Variants in LYST observed in about 807,000 individuals in gnomAD.
LYST encodes the protein lysosomal trafficking regulator, also known as lysosomal-trafficking regulator.
LYST carries 192 observed loss-of-function variants against 413.6 expected under a neutral mutation model. The ratio of observed to expected loss-of-function variants is 0.46; its 90% confidence interval spans 0.41 to 0.52. The LOEUF (loss-of-function observed/expected upper bound fraction) is 0.52, where lower values mean the gene tolerates loss of function less well. Ranked by LOEUF, LYST falls within the 20% of genes least tolerant of loss-of-function variation. The pLI, the probability that LYST is intolerant of heterozygous loss-of-function variation, is 0.00. For synonymous variants in LYST, 1,525 were observed against 1,567.3 expected, an observed-to-expected ratio of 0.97 and a Z score of 0.64; for missense variants, 3,815 against 4,499.9, an observed-to-expected ratio of 0.85 and a Z score of 4.35.
intron 31 of LYST, chr1:235,738,001 A>G (rs1664969521): frequency 8.1e-6 from 12 of 1,482,924 alleles, no homozygotes; most frequent in Non-Finnish European, 9.0e-6. Flanking sequence ...TATACTCTCA[A>G]GTATACGCTC....
intron 1 of LYST, among the ~76,000 whole-genome samples, chr1:235,859,251 T>C (rs543053889): frequency 4.8e-4 from 73 of 152,284 alleles, no homozygotes; most frequent in Non-Finnish European, 7.6e-4. Flanking sequence ...CTCGTTACAT[T>C]TGATCAATTA....
At chr1:235,754,392 C>A (rs926225586) in intron 25 of LYST, among the ~76,000 whole-genome samples, 3 of 151,740 alleles carry the variant, frequency 2.0e-5, no homozygotes, top group Non-Finnish European at 4.4e-5. Flanking sequence ...GCCACCACGC[C>A]CAGCAAATTT....
intron 12 of LYST, chr1:235,791,474 G>T: frequency 2.0e-6 from 1 of 502,580 alleles, no homozygotes; most frequent in South Asian, 2.1e-5. Context: ...TGTATATGTG[G>T]TGTCCCCTTC....
At chr1:235,882,481 T>C (rs1681422756) in intron 1 of LYST, among the ~76,000 whole-genome samples, 1 of 152,136 alleles carries the variant, frequency 6.6e-6, no homozygotes, top group East Asian at 1.9e-4. Context: ...AAAGAGAATG[T>C]GGGCAGTTGC....
Position 235,837,888 on chromosome 1 carries a change from T to G in LYST, c.-97-4221A>C, listed in dbSNP as rs967584374. ...GGTTAAAAAAAAACCTGATTAATATTATAGCTTGTTTCTAAGCTGAAACAT... is the reference window on the plus strand; with the variant it reads ...GGTTAAAAAAAAACCTGATTAATATGATAGCTTGTTTCTAAGCTGAAACAT... On this transcript the variant is annotated intron_variant, in intron 1 of 52. Transcript: ENST00000389793. Among the ~76,000 whole-genome samples, 29 of 152,006 alleles carry G rather than the reference T, an allele frequency of 1.9e-4. 1 individual carries two copies. Among genetic ancestry groups the G allele is most frequent in the Admixed American group, 1.4e-3 (21 of 15,258 alleles).
In LYST at chr1:235,806,673, T is replaced by C. The variant is rs571728370; in HGVS notation, c.2463A>G (p.Glu821=). Reference sequence around the variant, plus strand: ...GCTCCCCTAGGCTGATTATCAGAGTTTCAAATGCTTTTAGAGAATGACTTC... The same window carrying C: ...GCTCCCCTAGGCTGATTATCAGAGTCTCAAATGCTTTTAGAGAATGACTTC... ...GIRSHSLKAF[E]TLIISLGEQQ... is the part of the protein sequence containing the mutation. The change falls in exon 6 of 53, where the codon GAA becomes GAG. Residue 821 remains glutamate, a synonymous_variant. Coordinates refer to ENST00000389793, the MANE Select transcript of LYST (RefSeq NM_000081.4). 1.2e-6 allele frequency: 2 copies of C among 1,613,766 alleles called. No individual in the cohort carries two copies. Among genetic ancestry groups the C allele is most frequent in the South Asian group, 2.2e-5 (2 of 91,082 alleles).
At chr1:235,804,024 A>G (rs972434937) in intron 7 of LYST, among the ~76,000 whole-genome samples, 1 of 152,302 alleles carries the variant, frequency 6.6e-6, no homozygotes, top group African/African-American at 2.4e-5. Flanking sequence ...ATGTTAAACA[A>G]CTAAAACACT....
chr1:235,777,086 T>C lies in LYST; in HGVS notation c.5437A>G (p.Ile1813Val). Reference protein sequence around the residue: ...GILHEIGGTGIFVFLFARVVE... With the variant: ...GILHEIGGTGVFVFLFARVVE... The stretch of plus-strand genomic sequence containing the variant: ...ACCCTGGCAAAGAGAAAAACAAATA[T>C]GCCAGTTCCACCAATTTCGTGCAGA... Residue 1813 changes from isoleucine to valine, a missense_variant, in exon 17 of 53, where the codon ATA becomes GTA. Transcript: ENST00000389793. 3.7e-6 allele frequency: 6 copies of C among 1,613,568 alleles called. No homozygotes were observed. Among genetic ancestry groups the C allele is most frequent in the South Asian group, 1.1e-5 (1 of 91,080 alleles).
intron 50 of LYST, among the ~76,000 whole-genome samples, chr1:235,669,815 T>C (rs866115946): frequency 1.1e-4 from 16 of 152,360 alleles, no homozygotes; most frequent in Middle Eastern, 6.8e-3. Context: ...ATGCTTTCTT[T>C]GCTTTGCTGG....
At chr1:235,715,405 C>A (rs768454456) in intron 41 of LYST, 48 bp from the exon 42 acceptor site, 9 of 1,582,820 alleles carry the variant, frequency 5.7e-6, no homozygotes, top group African/African-American at 1.3e-5. Context: ...GGGCTCCAGG[C>A]AACGCTAGAA....
intron 50 of LYST, among the ~76,000 whole-genome samples, chr1:235,673,643 C>T (rs576268070): frequency 5.9e-5 from 9 of 152,238 alleles, no homozygotes; most frequent in African/African-American, 2.2e-4. Flanking sequence ...TCTAACCCCA[C>T]CTTAGGTGCT....
intron 12 of LYST, among the ~76,000 whole-genome samples, chr1:235,790,392 A>G (rs1008176812): frequency 1.3e-5 from 2 of 152,238 alleles, no homozygotes; most frequent in Admixed American, 1.3e-4. Flanking sequence ...CTAACTTGTT[A>G]AGATTAAAAA....
At chr1:235,671,562 T>C (rs1319277354) in intron 50 of LYST, among the ~76,000 whole-genome samples, 2 of 152,256 alleles carry the variant, frequency 1.3e-5, no homozygotes, top group African/African-American at 2.4e-5. Flanking sequence ...AGATAACATA[T>C]GCAGAGGCCC....
intron 3 of LYST, among the ~76,000 whole-genome samples, chr1:235,817,803 A>G (rs558148476): frequency 6.6e-6 from 1 of 152,156 alleles, no homozygotes; most frequent in East Asian, 1.9e-4. Context: ...TGTACACCAA[A>G]CCCCATGACA....
intron 24 of LYST, 49 bp downstream of exon 24, chr1:235,757,232 T>C (rs1481834048): frequency 2.3e-6 from 3 of 1,280,908 alleles, no homozygotes; most frequent in African/African-American, 1.5e-5. Context: ...AAATTACATA[T>C]ATATTTATTT....
intron 24 of LYST, among the ~76,000 whole-genome samples, 184 bp from the exon 25 acceptor site, chr1:235,755,831 C>T (rs919916389): frequency 6.6e-6 from 1 of 152,140 alleles, no homozygotes; most frequent in Non-Finnish European, 1.5e-5. Context: ...CTGTGGAATG[C>T]TAATGATGAC....
intron 22 of LYST, among the ~76,000 whole-genome samples, chr1:235,761,002 T>A (rs931457902): frequency 6.6e-6 from 1 of 152,258 alleles, no homozygotes; most frequent in African/African-American, 2.4e-5. Flanking sequence ...GCCTGTAATC[T>A]CAGCACTTTG....
chr1:235,872,143 A>G (rs980552609), intron 1 of LYST, among the ~76,000 whole-genome samples: 1 of 152,088 alleles, frequency 6.6e-6, no homozygotes, highest in African/African-American at 2.4e-5. Context: ...TAAAAATACA[A>G]AAACTAGCCA....
chr1:235,823,675 T>C (rs1030279208), intron 3 of LYST, among the ~76,000 whole-genome samples: 1 of 152,270 alleles, frequency 6.6e-6, no homozygotes, highest in Non-Finnish European at 1.5e-5. Context: ...AAACTACTTG[T>C]AGTTCATTGA....
Sources: allele counts gnomAD v4.1 joint callset (sites outside exome capture counted in the v4.1 genomes callset), GRCh38; gene constraint gnomAD v4.1.1; transcripts MANE v1.5; gene names NCBI Gene and HGNC (gene_info 2026-07-23, HGNC 2026-07-21).